Variants in VPS37A observed in about 807,000 individuals in gnomAD.
VPS37A encodes the protein VPS37A subunit of ESCRT-I.
In VPS37A, 30 loss-of-function variants were observed where a neutral mutation model predicts 49.8. That is an observed-to-expected ratio of 0.60 (90% CI 0.45 to 0.82). The LOEUF is 0.82. Ranked by LOEUF, VPS37A falls within the 40% of genes least tolerant of loss-of-function variation. The pLI, the probability that VPS37A is intolerant of heterozygous loss-of-function variation, is 0.00. For missense variants in VPS37A, 593 were observed against 464.4 expected (o/e 1.28, Z -2.55); for synonymous variants, 195 against 160.6 (o/e 1.21, Z -1.62).
At chr8:17,300,082 G>T (rs771656673), downstream of VPS37A, 1 of 1,614,152 alleles carries the variant, frequency 6.2e-7, no homozygotes, top group Admixed American at 1.7e-5. Context: ...GGATGGAAAT[G>T]ATTTCATATT....
intron 1 of VPS37A, 162 bp from the exon 2 acceptor site, chr8:17,265,745 C>G (rs769071837): frequency 1.1e-5 from 16 of 1,523,458 alleles, no homozygotes; most frequent in Admixed American, 2.0e-5. Flanking sequence ...GCCTTTCTAA[C>G]TATGATCATT....
the VPS37A span, among the ~76,000 whole-genome samples, chr8:17,315,779 A>T: frequency 6.6e-6 from 1 of 152,214 alleles, no homozygotes; most frequent in Non-Finnish European, 1.5e-5. Flanking sequence ...TGAGAGGCCA[A>T]GTCAGAAGGA....
intron 11 of VPS37A, among the ~76,000 whole-genome samples, chr8:17,288,554 T>G (rs770116690): frequency 6.6e-6 from 1 of 152,172 alleles, no homozygotes; most frequent in African/African-American, 2.4e-5. Flanking sequence ...ATGAACTCAT[T>G]CTTTTTTATG....
chr8:17,286,520 G>A (rs1815605617), intron 11 of VPS37A, 93 bp downstream of exon 11: 3 of 1,045,936 alleles, frequency 2.9e-6, no homozygotes, highest in Non-Finnish European at 4.3e-6. Flanking sequence ...TCAGCCTTAA[G>A]CATAATTCTG....
chr8:17,260,565 G>C (rs1181072393), intron 1 of VPS37A, among the ~76,000 whole-genome samples: 1 of 152,070 alleles, frequency 6.6e-6, no homozygotes, highest in African/African-American at 2.4e-5. Flanking sequence ...CATGCCTCCA[G>C]ATGTTTTCTC....
chr8:17,262,162 T>A (rs1436555517), intron 1 of VPS37A, among the ~76,000 whole-genome samples: 2 of 152,140 alleles, frequency 1.3e-5, no homozygotes, highest in Non-Finnish European at 2.9e-5. Flanking sequence ...TACCATCTGC[T>A]CAGAGTTTTT....
chr8:17,266,585 T>C (rs1053582596), intron 2 of VPS37A, among the ~76,000 whole-genome samples: 1 of 152,206 alleles, frequency 6.6e-6, no homozygotes, highest in Admixed American at 6.5e-5. Flanking sequence ...ATTAAGTGGC[T>C]GCTGCTAGAG....
intron 1 of VPS37A, among the ~76,000 whole-genome samples, chr8:17,252,839 C>T (rs572687090): frequency 8.7e-4 from 132 of 152,310 alleles, no homozygotes; most frequent in African/African-American, 3.0e-3. Flanking sequence ...TCTGTTATGC[C>T]TTAGCCCATT....
chr8:17,284,542 A>T lies in VPS37A; in HGVS notation c.1039A>T (p.Asn347Tyr). ...AAHEAEEESD[N>Y]IAEDFLEGKM... ...ACATGAAGCTGAGGAAGAATCTGAT[A>T]ATATTGCAGAAGACTTCTTGGAGGG... is the stretch of plus-strand genomic sequence containing the variant. Residue 347 changes from asparagine (N) to tyrosine (Y), a missense_variant, in exon 10 of 12, where the codon AAT becomes TAT. Asn to Tyr is a moderately radical substitution (Grantham distance 143). Coordinates refer to ENST00000324849, the MANE Select transcript of VPS37A (RefSeq NM_152415.3). 6.2e-7 allele frequency: 1 copy of T among 1,600,160 alleles called. No individual in the cohort carries two copies. Among genetic ancestry groups the T allele is most frequent in the Non-Finnish European group, 8.5e-7 (1 of 1,175,466 alleles).
intron 11 of VPS37A, among the ~76,000 whole-genome samples, chr8:17,292,235 C>CT (rs1204253330): frequency 6.6e-6 from 1 of 152,100 alleles, no homozygotes; most frequent in Admixed American, 6.5e-5. Flanking sequence ...CCTTCTTTGT[C>CT]TTTTTTGGTT....
At chr8:17,298,577 A>T (rs1279632955), downstream of VPS37A, 1 of 152,442 alleles carries the variant, frequency 6.6e-6, no homozygotes, top group African/African-American at 2.4e-5. Context: ...ATATTGATGT[A>T]AATTGTAAAG....
Position 17,274,901 on chromosome 8 carries a change from A to C in VPS37A, c.585A>C (p.Ser195=). ...SHTTAKPAAP[S]FGVLSNLPLP... is the part of the protein sequence containing the mutation. The stretch of plus-strand genomic sequence containing the variant: ...CCACAGCCAAGCCTGCCGCTCCTTC[A>C]TTTGGTGTCCTTTCAAATCTGCCAT... The change falls in exon 5 of 12, where the codon TCA becomes TCC. Residue 195 remains serine (S), a synonymous_variant. Transcript: ENST00000324849. 1 of 1,614,110 alleles carries C rather than the reference A, an allele frequency of 6.2e-7. No homozygotes were observed. The highest frequency in any genetic ancestry group is 8.5e-7 in the Non-Finnish European group (1 of 1,180,012).
chr8:17,311,436 C>A, the VPS37A span: 2 of 1,593,908 alleles, frequency 1.3e-6, no homozygotes, highest in Non-Finnish European at 1.7e-6. Flanking sequence ...ACAGCAGTTG[C>A]CAGTAGTTGT....
At chr8:17,279,297 G>A (rs1393248633) in intron 6 of VPS37A, among the ~76,000 whole-genome samples, 1 of 152,136 alleles carries the variant, frequency 6.6e-6, no homozygotes, top group East Asian at 1.9e-4. Flanking sequence ...ATCATGCACT[G>A]ACCTGGTCTA....
At chr8:17,291,037 G>A (rs141095539) in intron 11 of VPS37A, among the ~76,000 whole-genome samples, 3 of 152,160 alleles carry the variant, frequency 2.0e-5, no homozygotes, top group African/African-American at 7.2e-5. Context: ...GTTTTGTGAT[G>A]GACTCTCATT....
At chr8:17,318,623 A>C in the VPS37A span, among the ~76,000 whole-genome samples, 9 of 152,260 alleles carry the variant, frequency 5.9e-5, no homozygotes, top group Non-Finnish European at 1.3e-4. Context: ...ATGTCAGCTA[A>C]TTCACAGCCA....
At chr8:17,284,922 G>C (rs1165686682) in intron 10 of VPS37A, among the ~76,000 whole-genome samples, 2 of 152,124 alleles carry the variant, frequency 1.3e-5, no homozygotes, top group South Asian at 2.1e-4. Flanking sequence ...GATGTGACTT[G>C]AGATATAAAT....
At chr8:17,328,834 G>T in the VPS37A span, among the ~76,000 whole-genome samples, 7 of 152,188 alleles carry the variant, frequency 4.6e-5, no homozygotes, top group African/African-American at 1.7e-4. Context: ...AAAATTGCTT[G>T]CTATGTGACT....
chr8:17,248,349 C>A (rs970971217), intron 1 of VPS37A: 6 of 454,756 alleles, frequency 1.3e-5, no homozygotes, highest in African/African-American at 1.2e-4. Context: ...ACTGCAACCT[C>A]CGTCTCCCGG....
Sources: gnomAD v4.1 joint callset for allele counts (sites outside exome capture counted in the v4.1 genomes callset) on GRCh38, gnomAD v4.1.1 for gene constraint, MANE v1.5 for transcripts, NCBI Gene and HGNC (gene_info 2026-07-23, HGNC 2026-07-21) for gene names.